Variants in TNP2 observed in about 807,000 individuals in gnomAD.
The protein encoded by TNP2 is nuclear transition protein 2.
A neutral mutation model predicts 8.5 loss-of-function variants in TNP2; 10 were observed. The observed-to-expected ratio is 1.17, with a 90% confidence interval of 0.72 to 1.99. The LOEUF is 1.99. Ranked by LOEUF, TNP2 falls within the 30% of genes most tolerant of loss-of-function variation. TNP2 has a pLI of 0.00. For missense variants in TNP2, 222 were observed against 181.2 expected (o/e 1.23, Z -1.29); for synonymous variants, 80 against 62.3 (o/e 1.28, Z -1.34).
intron 1 of TNP2, 30 bp from the exon 2 acceptor site, chr16:11,268,042 T>C (rs2069731461): frequency 6.2e-7 from 1 of 1,609,844 alleles, no homozygotes; most frequent in Non-Finnish European, 8.5e-7. Context: ...AAGGAACCTT[T>C]AATAGCTGAG....
chr16:11,268,512 A>C (rs2069739728), intron 1 of TNP2: 2 of 386,732 alleles, frequency 5.2e-6, no homozygotes, highest in Admixed American at 4.1e-5. Context: ...TCGTATCCAA[A>C]CTTCCTATCA....
chr16:11,268,977 T>G lies in TNP2; in HGVS notation c.286A>C (p.Thr96Pro). The G allele has an allele frequency of 6.2e-7, 1 of 1,613,922 alleles. No individual in the cohort carries two copies. The highest frequency in any genetic ancestry group is 1.6e-4 in the Middle Eastern group (1 of 6,062). The change falls in exon 1 of 2, where the codon ACC (threonine) becomes CCC (proline). Residue 96 changes from threonine to proline, a missense_variant. Transcript: ENST00000312693. ...MNSHHSPMRPTILHCRCPKNR... is the reference protein window; with the variant it reads ...MNSHHSPMRPPILHCRCPKNR... ...TTGGGGCAGCGGCAGTGCAGGATGG[T>G]GGGCCGCATGGGAGAGTGGTGGGAG...
rs150594520 is a variant in TNP2 at position 11,268,806 on chromosome 16, G to A, written c.400+57C>T. ...CAGCCTTCCTCTCACTGCCCCCAAG[G>A]TCTGCTCTCCATCATCTGTGGGCTC... On this transcript the variant is annotated intron_variant, in intron 1 of 1. Coordinates refer to ENST00000312693, the MANE Select transcript of TNP2 (RefSeq NM_005425.5). The A allele has an allele frequency of 3.9e-5, 59 of 1,495,992 alleles. 1 individual carries two copies. The East Asian group carries it at 1.1e-3, about 28-fold the overall frequency. 92.7% of individuals were successfully genotyped at this position (1,495,992 alleles called of 1,614,324 possible).
chr16:11,269,117 G>GAGCTCTGGCTCCGGCTGC lies in TNP2; in HGVS notation c.128_145dup (p.Ser48_Ser49insCysSerArgSerGlnSer). On this transcript the variant is annotated inframe_insertion, in exon 1 of 2. Coordinates refer to ENST00000312693, the MANE Select transcript of TNP2 (RefSeq NM_005425.5). ...GCGGTGGCTGGCCGGGCTCTGGCTG[G>GAGCTCTGGCTCCGGCTGC]AGCTCTGGCTCCGGCTGCCACGATG... 1.2e-6 allele frequency: 2 copies of GAGCTCTGGCTCCGGCTGC among 1,613,996 alleles called. No homozygotes were observed. Among genetic ancestry groups the GAGCTCTGGCTCCGGCTGC allele is most frequent in the Non-Finnish European group, 1.7e-6 (2 of 1,179,896 alleles).
rs769551882 is a variant in TNP2, at chr16:11,267,861, C to T, written c.*135G>A. ...ATGACTATGACTACTCAGGGATAGTCTTCCAGGTACAAGCTTTAATTAGTG... is the reference window on the plus strand; with the variant it reads ...ATGACTATGACTACTCAGGGATAGTTTTCCAGGTACAAGCTTTAATTAGTG... On this transcript the variant is annotated 3_prime_UTR_variant, in exon 2 of 2. Coordinates refer to ENST00000312693, the MANE Select transcript of TNP2 (RefSeq NM_005425.5). 6.0e-6 allele frequency: 6 copies of T among 996,986 alleles called. No individual in the cohort carries two copies. In the South Asian group the frequency reaches 9.5e-5, roughly 16 times the overall value. The allele number at this position is 996,986 out of a possible 1,614,324, so 61.8% of individuals were successfully genotyped here.
At chr16:11,268,185 CA>C in intron 1 of TNP2, 173 bp from the exon 2 acceptor site, 1 of 580,906 alleles carries the variant, frequency 1.7e-6, no homozygotes, top group Non-Finnish European at 3.1e-6. Flanking sequence ...TCCAGGTATC[CA>C]TCCATTTATC....
At position 11,267,981 on chromosome 16, in the gene TNP2, A is replaced by G. The variant is rs2069730695; in HGVS notation, c.*15T>C. The stretch of plus-strand genomic sequence containing the variant: ...GGGTGAAACACGCAGGAACAAGCCA[A>G]GGAGTGCGGTCTCATTAGTTGGATT... On this transcript the variant is annotated 3_prime_UTR_variant, in exon 2 of 2. Transcript: ENST00000312693. The G allele has an allele frequency of 2.5e-6, 4 of 1,611,586 alleles. No individual in the cohort carries two copies. In the African/African-American group the frequency reaches 5.3e-5, roughly 22 times the overall value.
chr16:11,268,127 C>T lies in TNP2; in HGVS notation c.401-115G>A, dbSNP rs528774124. ...TACTCATTTGTGATTGAATATGGGA[C>T]ATAGATAGAGTTTAGACTACCGTCA... is the stretch of plus-strand genomic sequence containing the variant. On this transcript the variant is annotated intron_variant, in intron 1 of 1. Transcript: ENST00000312693. 4 of 968,522 alleles carry T rather than the reference C, an allele frequency of 4.1e-6. No homozygotes were observed. In the East Asian group the frequency reaches 1.0e-4, roughly 25 times the overall value. 60.0% of individuals were successfully genotyped at this position (968,522 alleles called of 1,614,324 possible).
In TNP2 at chr16:11,267,871, C is replaced by G. The variant is rs773025385; in HGVS notation, c.*125G>C. 1.9e-6 allele frequency: 2 copies of G among 1,071,118 alleles called. No individual in the cohort carries two copies. The highest frequency in any genetic ancestry group is 1.4e-6 in the Non-Finnish European group (1 of 732,142). 66.4% of individuals were successfully genotyped at this position (1,071,118 alleles called of 1,614,324 possible). On this transcript the variant is annotated 3_prime_UTR_variant, in exon 2 of 2. Transcript: ENST00000312693. ...CTACTCAGGGATAGTCTTCCAGGTA[C>G]AAGCTTTAATTAGTGTTGCGTAGAA...
intron 1 of TNP2, 43 bp from the exon 2 acceptor site, chr16:11,268,055 C>T (rs1478358444): frequency 6.2e-7 from 1 of 1,603,154 alleles, no homozygotes; most frequent in South Asian, 1.1e-5. Context: ...TAGCTGAGCA[C>T]TTCATGAAGT....
At position 11,269,271 on chromosome 16, in the gene TNP2, A is replaced by G. The variant is rs1239765254; in HGVS notation, c.-9T>C. ...TGAGTCTGGGTGTCCATAGGAGGCC[A>G]CGTTTGGAGGGGCAGGGCCTCCTCC... On this transcript the variant is annotated 5_prime_UTR_variant, in exon 1 of 2. Coordinates refer to ENST00000312693, the MANE Select transcript of TNP2 (RefSeq NM_005425.5). 1.9e-6 allele frequency: 3 copies of G among 1,594,698 alleles called. No homozygotes were observed. Among genetic ancestry groups the G allele is most frequent in the South Asian group, 2.2e-5 (2 of 90,390 alleles).
At position 11,269,130 on chromosome 16, in the gene TNP2, G is replaced by A. The variant is rs766304979; in HGVS notation, c.133C>T (p.Arg45Trp). ...GGGCTCTGGCTGGAGCTCTGGCTCC[G>A]GCTGCCACGATGGCTCTGTCTGCAA... Reference protein sequence around the residue: ...QSCRQSHRGSRSQSSSQSPAS... With the variant: ...QSCRQSHRGSWSQSSSQSPAS... Residue 45 changes from arginine (R) to tryptophan (W), a missense_variant, in exon 1 of 2, where the codon CGG (arginine) becomes TGG (tryptophan). Coordinates refer to ENST00000312693, the MANE Select transcript of TNP2 (RefSeq NM_005425.5). 68 of 1,613,992 alleles carry A rather than the reference G, an allele frequency of 4.2e-5. 1 individual carries two copies. The highest frequency in any genetic ancestry group is 2.7e-4 in the South Asian group (25 of 91,088).
At chr16:11,268,284 G>A in intron 1 of TNP2, 1 of 421,578 alleles carries the variant, frequency 2.4e-6, no homozygotes, top group Non-Finnish European at 4.3e-6. Flanking sequence ...CATTAGTCTA[G>A]ATATCTATTC....
chr16:11,268,050 G>C, intron 1 of TNP2, 38 bp from the exon 2 acceptor site: 1 of 1,607,194 alleles, frequency 6.2e-7, no homozygotes, highest in South Asian at 1.1e-5. Flanking sequence ...TTTAATAGCT[G>C]AGCACTTCAT....
Position 11,267,919 on chromosome 16 carries a change from G to C in TNP2, c.*77C>G. ...GAAATCACCATAGTAACATGTTCCTGCAAGAAGATTGACTTCATCCTAGCA... is the reference window on the plus strand; with the variant it reads ...GAAATCACCATAGTAACATGTTCCTCCAAGAAGATTGACTTCATCCTAGCA... On this transcript the variant is annotated 3_prime_UTR_variant, in exon 2 of 2. Transcript: ENST00000312693. 6.7e-7 allele frequency: 1 copy of C among 1,483,266 alleles called. No individual in the cohort carries two copies. The highest frequency in any genetic ancestry group is 1.4e-5 in the African/African-American group (1 of 72,392). The allele number at this position is 1,483,266 out of a possible 1,614,324, so 91.9% of individuals were successfully genotyped here. A position where few individuals can be genotyped will look rare whatever the true frequency, so the allele number is the denominator to read the frequency against.
Position 11,268,908 on chromosome 16 carries a change from C to A in TNP2, c.355G>T (p.Ala119Ser). ...TTGTACACCTGCTGGATCCTCTTGGCCATTTTTTTCTTTTTCAGCTTGCCT... is the reference window on the plus strand; with the variant it reads ...TTGTACACCTGCTGGATCCTCTTGGACATTTTTTTCTTTTTCAGCTTGCCT... ...LEGKLKKKKM[A>S]KRIQQVYKTK... The change falls in exon 1 of 2, where the codon GCC (alanine) becomes TCC (serine). Residue 119 changes from alanine to serine, a missense_variant. Coordinates refer to ENST00000312693, the MANE Select transcript of TNP2 (RefSeq NM_005425.5). The A allele has an allele frequency of 3.1e-6, 5 of 1,607,460 alleles. No homozygotes were observed. Among genetic ancestry groups the A allele is most frequent in the Non-Finnish European group, 4.2e-6 (5 of 1,177,608 alleles).
At position 11,269,258 on chromosome 16, in the gene TNP2, T is replaced by C; in HGVS notation, c.5A>G (p.Asp2Gly). The C allele has an allele frequency of 1.3e-6, 2 of 1,598,880 alleles. No homozygotes were observed. The highest frequency in any genetic ancestry group is 1.1e-5 in the South Asian group (1 of 90,916). Residue 2 changes from aspartate to glycine, a missense_variant, in exon 1 of 2, where the codon GAC becomes GGC. By Grantham distance (94) the Asp-to-Gly change is moderately conservative (BLOSUM62 -1). Transcript: ENST00000312693. The part of the protein sequence containing the change: M[D>G]TQTHSLPITH... The stretch of plus-strand genomic sequence containing the variant: ...GATAGGAAGGCTGTGAGTCTGGGTG[T>C]CCATAGGAGGCCACGTTTGGAGGGG...
chr16:11,268,459 A>G, intron 1 of TNP2: 1 of 327,306 alleles, frequency 3.1e-6, no homozygotes. Context: ...CCAAATAACT[A>G]GCCAGCCAGT....
chr16:11,269,236 A>G lies in TNP2; in HGVS notation c.27T>C (p.Pro9=). The change falls in exon 1 of 2, where the codon CCT becomes CCC. Residue 9 remains proline, a synonymous_variant. Transcript: ENST00000312693. The part of the protein sequence containing the change: MDTQTHSL[P]ITHTQLHSNS... ...TGCTATGGAGCTGAGTGTGGGTGAT[A>G]GGAAGGCTGTGAGTCTGGGTGTCCA... 6.2e-7 allele frequency: 1 copy of G among 1,604,070 alleles called. No individual in the cohort carries two copies. The highest frequency in any genetic ancestry group is 1.1e-5 in the South Asian group (1 of 91,060).
Sources: gnomAD v4.1 joint callset for allele counts on GRCh38, gnomAD v4.1.1 for gene constraint, MANE v1.5 for transcripts, NCBI Gene and HGNC (gene_info 2026-07-23, HGNC 2026-07-21) for gene names.